Variants in CTBP2 observed in about 807,000 individuals in gnomAD.
CTBP2 encodes the protein C-terminal binding protein 2, also known as C-terminal-binding protein 2.
CTBP2 carries 30 observed loss-of-function variants against 80.3 expected under a neutral mutation model. The observed-to-expected ratio is 0.37, with a 90% CI of 0.28 to 0.51. The LOEUF (loss-of-function observed/expected upper bound fraction) is 0.51, where lower values mean the gene tolerates loss of function less well. Among genes scored for constraint, CTBP2 ranks in the 20% least tolerant of loss-of-function variants. CTBP2 has a pLI of 0.93. For missense variants in CTBP2, 1,212 were observed against 1,375.3 expected, an observed-to-expected ratio of 0.88 and a Z score of 1.88; for synonymous variants, 594 against 587.4, an observed-to-expected ratio of 1.01 and a Z score of -0.16.
intron 2 of CTBP2, among the ~76,000 whole-genome samples, chr10:125,083,883 A>G (rs998082440): frequency 2.6e-5 from 4 of 151,950 alleles, no homozygotes; most frequent in African/African-American, 9.7e-5. Flanking sequence ...TGGTTTAAGC[A>G]TTTTTCCTGC....
At chr10:125,160,674 C>T (rs1483816582), upstream of CTBP2, among the ~76,000 whole-genome samples, 5 of 86,032 alleles carry the variant, frequency 5.8e-5, no homozygotes, top group African/African-American at 2.5e-4. Flanking sequence ...CCCTCGCCGC[C>T]GAGCCTCTTC....
chr10:124,985,064 A>C lies in CTBP2; in HGVS notation c.*4454T>G. The C allele has an allele frequency of 8.1e-7, 1 of 1,237,932 alleles. No homozygotes were observed. 76.7% of individuals were successfully genotyped at this position (1,237,932 alleles called of 1,614,324 possible). A position where few individuals can be genotyped will look rare whatever the true frequency, so the allele number is the denominator to read the frequency against. ...ACCCTAAAGTTAGTGTGGTGCTCCA[A>C]GCAGAGTCGACATCATGGAATGAAC... is the stretch of plus-strand genomic sequence containing the variant. On this transcript the variant is annotated 3_prime_UTR_variant, in exon 9 of 9. Transcript: ENST00000309035.
At chr10:125,033,579 GCGCAGAAGGTTCTC>G (rs1958498724) in intron 3 of CTBP2, among the ~76,000 whole-genome samples, 1 of 152,174 alleles carries the variant, frequency 6.6e-6, no homozygotes, top group Non-Finnish European at 1.5e-5. Flanking sequence ...TGTGTGAAGC[GCGCAGAAGGTTCTC>G]CGCATTCGTG....
intron 6 of CTBP2, 67 bp downstream of exon 8, chr10:124,993,786 CAA>C (rs1343135136): frequency 6.5e-7 from 1 of 1,536,378 alleles, no homozygotes; most frequent in East Asian, 2.3e-5. Flanking sequence ...GCCTCGAGTT[CAA>C]AGTGTGGGGG....
At chr10:125,016,484 GTCTTAATTTTC>G (rs2134490511) in intron 1 of CTBP2, among the ~76,000 whole-genome samples, 1 of 152,360 alleles carries the variant, frequency 6.6e-6, no homozygotes, top group African/African-American at 2.4e-5. Flanking sequence ...GGCAGACCCA[GTCTTAATTTTC>G]TCACCTTATT....
At chr10:125,082,331 T>C (rs1847297146) in intron 2 of CTBP2, among the ~76,000 whole-genome samples, 1 of 152,232 alleles carries the variant, frequency 6.6e-6, no homozygotes, top group Admixed American at 6.5e-5. Context: ...TTACAGCCAA[T>C]GGGCAGATTC....
intron 1 of CTBP2, among the ~76,000 whole-genome samples, chr10:125,126,644 C>T (rs545525323): frequency 5.1e-4 from 78 of 152,376 alleles, no homozygotes; most frequent in South Asian, 2.7e-3. Flanking sequence ...TCGCACCTCC[C>T]GGCCTCGGCC....
intron 2 of CTBP2, among the ~76,000 whole-genome samples, chr10:125,080,880 A>G (rs564693826): frequency 3.0e-4 from 46 of 152,062 alleles, no homozygotes; most frequent in African/African-American, 1.1e-3. Context: ...CCACAAATTA[A>G]GGGCACAGCG....
At chr10:125,161,026 G>C (rs1390683666), upstream of CTBP2, 2 of 150,454 alleles carry the variant, frequency 1.3e-5, no homozygotes, top group African/African-American at 2.4e-5. Flanking sequence ...GGCGGGAGGC[G>C]AGGTGAGGGT....
chr10:125,101,136 A>G (rs551922215), intron 2 of CTBP2, among the ~76,000 whole-genome samples: 199 of 152,346 alleles, frequency 1.3e-3, no homozygotes, highest in African/African-American at 3.6e-3. Flanking sequence ...ATTCATTAAC[A>G]TTGGTTGTTA....
chr10:125,027,344 T>C lies in CTBP2; in HGVS notation c.416A>G (p.Tyr139Cys). Residue 139 changes from tyrosine to cysteine, a missense_variant, in exon 1 of 9, where the codon TAC (tyrosine) becomes TGC (cysteine). By Grantham distance (194) the Tyr-to-Cys change is radical (BLOSUM62 -2). This residue lies in a region of CTBP2 where 848 missense variants were observed against 782.3 expected (regional missense o/e 1.08). Transcript: ENST00000309035. ...TGACGTTCTGCTGCCAAGCACTCCG[T>C]AGCTGGGGACCGGCCGGCTGACTCC... is the stretch of plus-strand genomic sequence containing the variant. The C allele has an allele frequency of 6.2e-7, 1 of 1,613,662 alleles. No homozygotes were observed. The highest frequency in any genetic ancestry group is 1.1e-5 in the South Asian group (1 of 91,082).
At chr10:125,154,403 G>C (rs1376373682) in intron 1 of CTBP2, among the ~76,000 whole-genome samples, 1 of 152,126 alleles carries the variant, frequency 6.6e-6, no homozygotes, top group East Asian at 1.9e-4. Context: ...TGGGAAAAAC[G>C]AAGTCTCTAT....
intron 1 of CTBP2, among the ~76,000 whole-genome samples, chr10:125,008,171 CCT>C (rs1259679007): frequency 6.6e-6 from 1 of 152,190 alleles, no homozygotes; most frequent in African/African-American, 2.4e-5. Flanking sequence ...GCTTCGAACC[CCT>C]GACCTCAGGT....
chr10:125,025,271 T>C lies in CTBP2; in HGVS notation c.1678+811A>G, dbSNP rs557201238. ...CATTTTAAATTTGTGGTCAAGACTCTAGAGTTAAAATAAAAATTGTAAATG... is the reference window on the plus strand; with the variant it reads ...CATTTTAAATTTGTGGTCAAGACTCCAGAGTTAAAATAAAAATTGTAAATG... On this transcript the variant is annotated intron_variant, in intron 1 of 8. Coordinates refer to ENST00000309035, the MANE Select transcript of CTBP2 (RefSeq NM_022802.3). Among the ~76,000 whole-genome samples, 8 of 152,280 alleles carry C rather than the reference T, an allele frequency of 5.3e-5. No individual in the cohort carries two copies. The East Asian group carries it at 1.3e-3, about 26-fold the overall frequency.
At chr10:125,086,167 G>A (rs955746956) in intron 2 of CTBP2, among the ~76,000 whole-genome samples, 4 of 152,210 alleles carry the variant, frequency 2.6e-5, no homozygotes, top group Non-Finnish European at 4.4e-5. Flanking sequence ...TGGTATTAGA[G>A]GGTGAGGCCT....
chr10:125,040,740 A>G (rs1404286529), intron 2 of CTBP2, among the ~76,000 whole-genome samples: 1 of 152,206 alleles, frequency 6.6e-6, no homozygotes, highest in Non-Finnish European at 1.5e-5. Context: ...TATGCAAAAC[A>G]TTAAGAGTTA....
intron 1 of CTBP2, among the ~76,000 whole-genome samples, chr10:125,143,791 A>G (rs1015808761): frequency 3.3e-5 from 5 of 152,206 alleles, no homozygotes; most frequent in African/African-American, 1.2e-4. Flanking sequence ...CATAAACACC[A>G]TAAATCATAA....
At chr10:125,092,542 C>T (rs562324566) in intron 2 of CTBP2, among the ~76,000 whole-genome samples, 1 of 152,180 alleles carries the variant, frequency 6.6e-6, no homozygotes, top group African/African-American at 2.4e-5. Context: ...AGTAACTTAT[C>T]TAACCTTCTT....
At chr10:125,130,099 GTGTAA>G (rs927761415) in intron 1 of CTBP2, among the ~76,000 whole-genome samples, 7 of 150,850 alleles carry the variant, frequency 4.6e-5, no homozygotes, top group Non-Finnish European at 1.0e-4. Context: ...CCAGGCTGGA[GTGTAA>G]TAGCATGATC....
Sources: gnomAD v4.1 joint callset for allele counts (sites outside exome capture counted in the v4.1 genomes callset) on GRCh38, gnomAD v4.1.1 for gene constraint, gnomAD v4.1.1 regional missense constraint, MANE v1.5 for transcripts, NCBI Gene and HGNC (gene_info 2026-07-23, HGNC 2026-07-21) for gene names.